The following RUNDC3B variants were observed in gnomAD, a reference collection of about 807,000 sequenced individuals.
RUNDC3B encodes RUN domain-containing protein 3B.
A neutral mutation model predicts 58.4 loss-of-function variants in RUNDC3B; 33 were observed. That is an observed-to-expected ratio of 0.56 (90% CI 0.43 to 0.75). The LOEUF (loss-of-function observed/expected upper bound fraction) is 0.75, where lower values mean the gene tolerates loss of function less well. Ranked by LOEUF, RUNDC3B falls within the 30% of genes least tolerant of loss-of-function variation. The pLI, the probability that RUNDC3B is intolerant of heterozygous loss-of-function variation, is 0.00. For missense variants in RUNDC3B, 501 were observed against 535.7 expected (o/e 0.94, Z 0.64); for synonymous variants, 193 against 195.2 (o/e 0.99, Z 0.10).
chr7:87,723,955 C>G (rs1248870671), intron 4 of RUNDC3B, among the ~76,000 whole-genome samples: 1 of 152,172 alleles, frequency 6.6e-6, no homozygotes, highest in Non-Finnish European at 1.5e-5. Flanking sequence ...GGCATGGTGG[C>G]TCACGCCTGT....
intron 2 of RUNDC3B, among the ~76,000 whole-genome samples, chr7:87,658,060 A>T (rs887692973): frequency 2.0e-5 from 3 of 152,220 alleles, no homozygotes; most frequent in Admixed American, 6.5e-5. Context: ...ATAATAAAAG[A>T]TAGTCAATAG....
chr7:87,721,930 T>C (rs1830924331), intron 4 of RUNDC3B, among the ~76,000 whole-genome samples: 1 of 152,050 alleles, frequency 6.6e-6, no homozygotes, highest in African/African-American at 2.4e-5. Flanking sequence ...TGTAAAATGT[T>C]ACCTTTATTT....
At chr7:87,788,555 A>T (rs962361102) in intron 8 of RUNDC3B, among the ~76,000 whole-genome samples, 1 of 152,128 alleles carries the variant, frequency 6.6e-6, no homozygotes, top group Admixed American at 6.5e-5. Context: ...AGTTGGCTCC[A>T]GTAACTGTTT....
intron 6 of RUNDC3B, among the ~76,000 whole-genome samples, chr7:87,755,108 T>G (rs1269537207): frequency 6.6e-6 from 1 of 151,742 alleles, no homozygotes; most frequent in African/African-American, 2.4e-5. Flanking sequence ...CTGCAACTTC[T>G]GCCTCCCGGG....
chr7:87,737,187 C>T (rs1411305289), intron 4 of RUNDC3B, among the ~76,000 whole-genome samples: 1 of 151,758 alleles, frequency 6.6e-6, no homozygotes. Flanking sequence ...CATGAGCCAC[C>T]AGGCCTGGCA....
chr7:87,638,308 T>C (rs559673503), intron 1 of RUNDC3B, among the ~76,000 whole-genome samples: 2 of 151,832 alleles, frequency 1.3e-5, no homozygotes, highest in South Asian at 4.2e-4. Flanking sequence ...GTCATTAAGA[T>C]TATTTGGCTT....
At chr7:87,694,022 G>T in intron 2 of RUNDC3B, 2 of 1,599,392 alleles carry the variant, frequency 1.3e-6, no homozygotes, top group South Asian at 2.3e-5. Context: ...TGACTTTCGG[G>T]GGAGGGCTGT....
At chr7:87,650,766 A>G in intron 1 of RUNDC3B, 56 bp from the exon 2 acceptor site, 1 of 1,061,428 alleles carries the variant, frequency 9.4e-7, no homozygotes, top group South Asian at 1.3e-5. Context: ...CATTTTTTTC[A>G]TACTTAGGGA....
intron 2 of RUNDC3B, chr7:87,693,918 A>G (rs1486357517): frequency 1.2e-6 from 2 of 1,609,708 alleles, no homozygotes; most frequent in African/African-American, 1.3e-5. Flanking sequence ...AGATTTCCCA[A>G]AGTTGCAGAT....
At chr7:87,760,126 A>C (rs1833596054) in intron 6 of RUNDC3B, among the ~76,000 whole-genome samples, 1 of 151,232 alleles carries the variant, frequency 6.6e-6, no homozygotes, top group Non-Finnish European at 1.5e-5. Flanking sequence ...GATTCATAAC[A>C]TCAATTACCA....
At position 87,725,658 on chromosome 7, in the gene RUNDC3B, A is replaced by G. The variant is rs552638170; in HGVS notation, c.459-14133A>G. On this transcript the variant is annotated intron_variant, in intron 4 of 10. Coordinates refer to ENST00000394654, the MANE Select transcript of RUNDC3B (RefSeq NM_001134405.2). The stretch of plus-strand genomic sequence containing the variant: ...ATTTCTAGTTCTAGATCCTTGAGGA[A>G]TTGCCACACTGACTTCCACAATGGT... Among the ~76,000 whole-genome samples the G allele has an allele frequency of 7.9e-5, 12 of 152,322 alleles. No homozygotes were observed. In the East Asian group the frequency reaches 1.9e-3, roughly 25 times the overall value.
At chr7:87,725,052 T>G (rs1831135186) in intron 4 of RUNDC3B, among the ~76,000 whole-genome samples, 1 of 152,158 alleles carries the variant, frequency 6.6e-6, no homozygotes, top group East Asian at 1.9e-4. Context: ...ACTGTGCATT[T>G]TATAAGCCCT....
At chr7:87,827,601 C>T (rs1270064004) in intron 10 of RUNDC3B, among the ~76,000 whole-genome samples, 1 of 151,912 alleles carries the variant, frequency 6.6e-6, no homozygotes, top group East Asian at 1.9e-4. Context: ...TGTTTTAATG[C>T]TAAAAAAAAT....
chr7:87,759,934 A>T (rs1360556356), intron 6 of RUNDC3B, among the ~76,000 whole-genome samples: 1 of 152,148 alleles, frequency 6.6e-6, no homozygotes, highest in African/African-American at 2.4e-5. Flanking sequence ...ACCATTAAAA[A>T]TTTAAAAAAT....
intron 6 of RUNDC3B, among the ~76,000 whole-genome samples, chr7:87,765,473 C>G (rs1584144779): frequency 6.6e-6 from 1 of 151,872 alleles, no homozygotes; most frequent in African/African-American, 2.4e-5. Context: ...TTTGCCATAT[C>G]CCAGAGGTTT....
At chr7:87,701,142 A>T (rs986564646) in intron 3 of RUNDC3B, among the ~76,000 whole-genome samples, 1 of 152,242 alleles carries the variant, frequency 6.6e-6, no homozygotes, top group Non-Finnish European at 1.5e-5. Context: ...CAAGAAAAAC[A>T]CTTGTACAAT....
chr7:87,777,782 G>T lies in RUNDC3B; in HGVS notation c.799-16G>T. ...AATTTTGCAGTTTCTATATCTTGATGATACTGGATTTCCAGGGTTACCTTG... is the reference window on the plus strand; with the variant it reads ...AATTTTGCAGTTTCTATATCTTGATTATACTGGATTTCCAGGGTTACCTTG... On this transcript the variant is annotated splice_polypyrimidine_tract_variant and intron_variant, in intron 7 of 10. Coordinates refer to ENST00000394654, the MANE Select transcript of RUNDC3B (RefSeq NM_001134405.2). 6.2e-7 allele frequency: 1 copy of T among 1,611,922 alleles called. No individual in the cohort carries two copies. The highest frequency in any genetic ancestry group is 2.2e-5 in the East Asian group (1 of 44,758).
intron 6 of RUNDC3B, among the ~76,000 whole-genome samples, chr7:87,764,212 T>C (rs1338715286): frequency 6.6e-6 from 1 of 151,830 alleles, no homozygotes; most frequent in Non-Finnish European, 1.5e-5. Context: ...AAGGACTTCA[T>C]AGTATCTGTG....
chr7:87,769,507 G>A (rs1003406043), intron 6 of RUNDC3B, among the ~76,000 whole-genome samples: 3 of 151,590 alleles, frequency 2.0e-5, no homozygotes, highest in Non-Finnish European at 2.9e-5. Context: ...ACAGATTGTG[G>A]TTTCTTTGAA....
Sources: allele counts gnomAD v4.1 joint callset (sites outside exome capture counted in the v4.1 genomes callset), GRCh38; gene constraint gnomAD v4.1.1; transcripts MANE v1.5; gene names NCBI Gene and HGNC (gene_info 2026-07-23, HGNC 2026-07-21).